KLRG1: variants seen among roughly 807,000 people sequenced by gnomAD.
The protein encoded by KLRG1 is killer cell lectin-like receptor subfamily G member 1.
In KLRG1, 16 loss-of-function variants were observed where a neutral mutation model predicts 21.8. That is an observed-to-expected ratio of 0.73 (90% CI 0.50 to 1.11). The LOEUF (loss-of-function observed/expected upper bound fraction) is 1.11, where lower values mean the gene tolerates loss of function less well. KLRG1 is among the 50% of genes most tolerant of loss of function. The probability of loss-of-function intolerance (pLI) is 0.00; values close to 1 mark genes in which losing one functional copy is unlikely to be tolerated. For synonymous variants in KLRG1, 69 were observed against 75.9 expected (o/e 0.91, Z 0.47); for missense variants, 173 against 218.3 (o/e 0.79, Z 1.31).
chr12:9,196,971 G>A, the KLRG1 span: 2 of 1,385,526 alleles, frequency 1.4e-6, no homozygotes, highest in Non-Finnish European at 2.1e-6. Context: ...CTCACTGGTT[G>A]TAAACAGTGA....
the KLRG1 span, chr12:9,169,783 T>A: frequency 1.1e-5 from 5 of 466,990 alleles, no homozygotes; most frequent in Non-Finnish European, 1.8e-5. Flanking sequence ...GAAACCTACT[T>A]GGGAAAATGC....
chr12:8,997,283 T>C (rs1431875347), intron 3 of KLRG1, among the ~76,000 whole-genome samples: 2 of 152,236 alleles, frequency 1.3e-5, no homozygotes, highest in Admixed American at 6.5e-5. Flanking sequence ...CTTTTAACAT[T>C]CCTGTGGAAT....
At chr12:9,159,453 A>C in the KLRG1 span, among the ~76,000 whole-genome samples, 1 of 152,158 alleles carries the variant, frequency 6.6e-6, no homozygotes, top group African/African-American at 2.4e-5. Flanking sequence ...ACTCATGTTA[A>C]AACTTAATCC....
the KLRG1 span, among the ~76,000 whole-genome samples, chr12:9,186,154 A>G: frequency 6.6e-6 from 1 of 152,196 alleles, no homozygotes; most frequent in Non-Finnish European, 1.5e-5. Flanking sequence ...ATATCTAGCC[A>G]AACTAAACTT....
intron 1 of KLRG1, among the ~76,000 whole-genome samples, chr12:8,964,984 T>G (rs1289635418): frequency 1.3e-5 from 2 of 152,190 alleles, no homozygotes; most frequent in Non-Finnish European, 2.9e-5. Context: ...TCTTGACTCT[T>G]TATCCACTTT....
At chr12:9,198,833 T>G in the KLRG1 span, among the ~76,000 whole-genome samples, 1 of 152,214 alleles carries the variant, frequency 6.6e-6, no homozygotes, top group African/African-American at 2.4e-5. Context: ...CACTATTAAT[T>G]TGGACACATA....
chr12:9,160,126 C>A, the KLRG1 span: 1 of 1,213,034 alleles, frequency 8.2e-7, no homozygotes, highest in Non-Finnish European at 1.2e-6. Context: ...ATTTTATGAC[C>A]TTCTGTGATC....
the KLRG1 span, among the ~76,000 whole-genome samples, chr12:9,026,668 G>A: frequency 6.6e-6 from 1 of 151,618 alleles, no homozygotes; most frequent in Admixed American, 6.6e-5. Context: ...ACTCTATCAG[G>A]GTTTTTTTCT....
the KLRG1 span, among the ~76,000 whole-genome samples, chr12:9,020,642 C>A: frequency 2.0e-5 from 3 of 152,104 alleles, no homozygotes; most frequent in Non-Finnish European, 2.9e-5. Flanking sequence ...GGATTTACCG[C>A]AATTAATTTA....
At chr12:9,130,717 C>A in the KLRG1 span, among the ~76,000 whole-genome samples, 873 of 151,394 alleles carry the variant, frequency 5.8e-3, 10 homozygotes, top group African/African-American at 0.02. Context: ...TAAATATATT[C>A]TTTGTAAATT....
the KLRG1 span, chr12:9,192,396 CACA>C: frequency 9.9e-5 from 126 of 1,278,078 alleles, no homozygotes; most frequent in Non-Finnish European, 1.3e-4. Flanking sequence ...ATGAAGGACG[CACA>C]ACAAGAACAC....
chr12:9,160,876 C>T, the KLRG1 span, among the ~76,000 whole-genome samples: 1 of 151,356 alleles, frequency 6.6e-6, no homozygotes, highest in African/African-American at 2.4e-5. Flanking sequence ...GATCACGTCA[C>T]TGTACTCCAG....
At chr12:9,041,550 TG>T in the KLRG1 span, among the ~76,000 whole-genome samples, 1 of 152,210 alleles carries the variant, frequency 6.6e-6, no homozygotes, top group Non-Finnish European at 1.5e-5. Context: ...GCTGTGGAGC[TG>T]GTGTTGTGTG....
the KLRG1 span, among the ~76,000 whole-genome samples, chr12:9,016,205 A>G: frequency 1.6e-4 from 24 of 152,180 alleles, no homozygotes; most frequent in Non-Finnish European, 2.9e-4. Flanking sequence ...ACAAAAGGTC[A>G]ATGAAACCAC....
At chr12:8,950,992 C>A (rs371013734) in intron 1 of KLRG1, among the ~76,000 whole-genome samples, 15 of 151,798 alleles carry the variant, frequency 9.9e-5, no homozygotes, top group African/African-American at 3.6e-4. Context: ...ACATTCAGTT[C>A]AGGCTAGGTA....
chr12:9,099,650 G>GA, the KLRG1 span: 26 of 1,171,448 alleles, frequency 2.2e-5, no homozygotes, highest in African/African-American at 6.3e-5. Flanking sequence ...TCTAGCTTTA[G>GA]AAAAAAACCC....
At chr12:8,986,628 C>G (rs141510129), upstream of KLRG1, among the ~76,000 whole-genome samples, 2 of 151,932 alleles carry the variant, frequency 1.3e-5, no homozygotes, top group African/African-American at 4.8e-5. Flanking sequence ...GGAAGATCCT[C>G]CAAGCTTATT....
the KLRG1 span, among the ~76,000 whole-genome samples, chr12:9,052,183 G>A: frequency 1.6e-4 from 25 of 152,246 alleles, 1 homozygote; most frequent in Admixed American, 5.2e-4. Context: ...TCATAATCTT[G>A]GACTCCATTG....
the KLRG1 span, chr12:9,099,559 G>A: frequency 2.5e-6 from 4 of 1,578,900 alleles, no homozygotes; most frequent in South Asian, 4.7e-5. Context: ...AGCCATCATA[G>A]GTTAATGACT....
Sources: gnomAD v4.1 joint callset for allele counts (sites outside exome capture counted in the v4.1 genomes callset) on GRCh38, gnomAD v4.1.1 for gene constraint, MANE v1.5 for transcripts, NCBI Gene and HGNC (gene_info 2026-07-23, HGNC 2026-07-21) for gene names.